ERC2: variants seen among roughly 807,000 people sequenced by gnomAD.
ERC2 encodes ELKS/RAB6-interacting/CAST family member 2.
ERC2 carries 42 observed loss-of-function variants against 114.8 expected under a neutral mutation model. That is an observed-to-expected ratio of 0.37 (90% CI 0.29 to 0.47). The LOEUF (loss-of-function observed/expected upper bound fraction) is 0.47, where lower values mean the gene tolerates loss of function less well. Among genes scored for constraint, ERC2 ranks in the 20% least tolerant of loss-of-function variants. The pLI, the probability that ERC2 is intolerant of heterozygous loss-of-function variation, is 0.99. For missense variants in ERC2, 939 were observed against 1,150.7 expected (o/e 0.82, Z 2.66); for synonymous variants, 454 against 425.5 (o/e 1.07, Z -0.82).
chr3:56,445,052 G>T (rs2062497737), intron 1 of ERC2, among the ~76,000 whole-genome samples: 1 of 152,186 alleles, frequency 6.6e-6, no homozygotes, highest in South Asian at 2.1e-4. Context: ...AACATAGAAA[G>T]ATAGACAGTT....
chr3:55,817,990 T>G (rs2059970298), intron 14 of ERC2, among the ~76,000 whole-genome samples: 1 of 152,198 alleles, frequency 6.6e-6, no homozygotes, highest in Non-Finnish European at 1.5e-5. Context: ...CTTATTGACC[T>G]TTCGAGCCAG....
chr3:55,946,921 A>G (rs1435116005), intron 13 of ERC2, among the ~76,000 whole-genome samples: 1 of 152,196 alleles, frequency 6.6e-6, no homozygotes, highest in Non-Finnish European at 1.5e-5. Context: ...CCTCTTTCCA[A>G]TGAGTCAAGT....
intron 2 of ERC2, among the ~76,000 whole-genome samples, chr3:56,319,999 A>T (rs1400045389): frequency 1.3e-5 from 2 of 152,232 alleles, no homozygotes; most frequent in African/African-American, 4.8e-5. Context: ...TCAAACATCT[A>T]CAAGTAAAAT....
intron 7 of ERC2, among the ~76,000 whole-genome samples, chr3:56,036,102 T>TA (rs777696450): frequency 6.6e-6 from 1 of 152,042 alleles, no homozygotes; most frequent in East Asian, 1.9e-4. Context: ...AAATAAAAGA[T>TA]AAAAATCACA....
At chr3:55,565,107 A>T (rs2056283307) in intron 17 of ERC2, among the ~76,000 whole-genome samples, 1 of 152,226 alleles carries the variant, frequency 6.6e-6, no homozygotes, top group Non-Finnish European at 1.5e-5. Context: ...CCCTGATGAC[A>T]TTGTAACACC....
intron 6 of ERC2, among the ~76,000 whole-genome samples, chr3:56,100,879 T>C (rs566971170): frequency 1.3e-5 from 2 of 152,230 alleles, no homozygotes; most frequent in South Asian, 4.1e-4. Flanking sequence ...GCTATAAGAG[T>C]TATTCAGAAG....
chr3:55,630,997 T>C (rs2059733024), intron 17 of ERC2, among the ~76,000 whole-genome samples: 2 of 151,916 alleles, frequency 1.3e-5, no homozygotes, highest in Non-Finnish European at 2.9e-5. Flanking sequence ...GGTAACAACT[T>C]CCAGATGGTC....
intron 15 of ERC2, among the ~76,000 whole-genome samples, chr3:55,718,034 G>A (rs1162050307): frequency 1.3e-5 from 2 of 152,152 alleles, no homozygotes; most frequent in Non-Finnish European, 2.9e-5. Context: ...CTCAACAGAA[G>A]CTGAAAATTA....
intron 6 of ERC2, among the ~76,000 whole-genome samples, chr3:56,118,490 A>C (rs975243099): frequency 6.6e-6 from 1 of 152,202 alleles, no homozygotes; most frequent in Non-Finnish European, 1.5e-5. Flanking sequence ...GATAATATTA[A>C]GAAGAAAAAT....
At chr3:55,919,990 T>A (rs2065323818) in intron 13 of ERC2, among the ~76,000 whole-genome samples, 1 of 152,130 alleles carries the variant, frequency 6.6e-6, no homozygotes. Context: ...CAGAAAATAA[T>A]AGCACATATT....
intron 13 of ERC2, among the ~76,000 whole-genome samples, chr3:55,904,146 G>A (rs903867375): frequency 2.0e-5 from 3 of 152,226 alleles, no homozygotes; most frequent in Non-Finnish European, 4.4e-5. Flanking sequence ...TTAAGTGCCA[G>A]TGCAAGTGAG....
At chr3:55,550,838 A>G (rs1190396603) in intron 17 of ERC2, among the ~76,000 whole-genome samples, 1 of 152,036 alleles carries the variant, frequency 6.6e-6, no homozygotes, top group Non-Finnish European at 1.5e-5. Context: ...AACACGGTGA[A>G]ACCCCATCTC....
At chr3:55,763,501 G>A (rs1176092113) in intron 14 of ERC2, among the ~76,000 whole-genome samples, 1 of 152,060 alleles carries the variant, frequency 6.6e-6, no homozygotes, top group Non-Finnish European at 1.5e-5. Flanking sequence ...ATTCAGAGAG[G>A]GACTCTGACT....
chr3:55,808,881 AC>A (rs1321276829), intron 14 of ERC2, among the ~76,000 whole-genome samples: 1 of 150,602 alleles, frequency 6.6e-6, no homozygotes, highest in Non-Finnish European at 1.5e-5. Flanking sequence ...AATTTTTGTG[AC>A]CAAATCACAA....
intron 10 of ERC2, among the ~76,000 whole-genome samples, chr3:55,997,407 A>G (rs1165586462): frequency 2.0e-5 from 3 of 151,574 alleles, no homozygotes; most frequent in African/African-American, 7.3e-5. Context: ...ATTTGACTAC[A>G]GTCTTCTAAA....
chr3:56,098,731 C>CT (rs1473382414), intron 6 of ERC2, among the ~76,000 whole-genome samples: 2 of 152,140 alleles, frequency 1.3e-5, no homozygotes, highest in African/African-American at 2.4e-5. Flanking sequence ...CACATCCAGA[C>CT]TTGGTGAAAA....
intron 7 of ERC2, among the ~76,000 whole-genome samples, chr3:56,078,265 A>G (rs191041269): frequency 1.3e-5 from 2 of 152,336 alleles, no homozygotes. Flanking sequence ...TGATTCATCA[A>G]ATCACCAATA....
Position 56,019,023 on chromosome 3 carries a change from GT to G in ERC2, c.1649del (p.Asn550ThrfsTer13). 6.2e-7 allele frequency: 1 copy of G among 1,608,236 alleles called. No individual in the cohort carries two copies. The highest frequency in any genetic ancestry group is 8.5e-7 in the Non-Finnish European group (1 of 1,177,336). On this transcript the variant is annotated frameshift_variant, in exon 8 of 18. Transcript: ENST00000288221. LOFTEE classifies it high-confidence loss of function. The part of the protein sequence containing the change: ...KINVLQKKIE[N>X]LQEQLRDKDK... The stretch of plus-strand genomic sequence containing the variant: ...CTTTATCCCTAAGTTGTTCTTGCAA[GT>G]TTTCAATCTAAAAATAAAAATCAAT...
intron 5 of ERC2, 122 bp downstream of exon 5, chr3:56,148,855 G>T: frequency 3.5e-6 from 3 of 853,570 alleles, no homozygotes; most frequent in Non-Finnish European, 5.2e-6. Flanking sequence ...CTACTTTGTT[G>T]TCCATATATT....
Sources: allele counts gnomAD v4.1 joint callset (sites outside exome capture counted in the v4.1 genomes callset), GRCh38; gene constraint gnomAD v4.1.1; transcripts MANE v1.5; gene names NCBI Gene and HGNC (gene_info 2026-07-23, HGNC 2026-07-21).